Variants in PTPRS observed in about 807,000 individuals in gnomAD.
PTPRS encodes receptor-type tyrosine-protein phosphatase S.
PTPRS carries 63 observed loss-of-function variants against 215.3 expected under a neutral mutation model. The observed-to-expected ratio is 0.29, with a 90% CI of 0.24 to 0.36. PTPRS has a LOEUF of 0.36. PTPRS is among the 10% of genes least tolerant of loss of function. PTPRS has a pLI of 1.00. For synonymous variants in PTPRS, 1,404 were observed against 1,191.4 expected (o/e 1.18, Z -3.68); for missense variants, 2,258 against 2,825.8 (o/e 0.80, Z 4.56).
chr19:5,253,560 G>T (rs2045320826), intron 9 of PTPRS, among the ~76,000 whole-genome samples: 1 of 152,136 alleles, frequency 6.6e-6, no homozygotes, highest in Non-Finnish European at 1.5e-5. Context: ...AAATGACAGT[G>T]GGGAAAATGA....
rs2040353074 is a variant in PTPRS at position 5,206,180 on chromosome 19, A to G, written c.*594T>C. ...GTGAAAAAATAGACTGTCTTTGAACAGAATATGAATAAGCCAAAGTTAGTT... is the reference window on the plus strand; with the variant it reads ...GTGAAAAAATAGACTGTCTTTGAACGGAATATGAATAAGCCAAAGTTAGTT... On this transcript the variant is annotated 3_prime_UTR_variant, in exon 38 of 38. Transcript: ENST00000262963. Among the ~76,000 whole-genome samples the G allele has an allele frequency of 6.6e-6, 1 of 152,136 alleles. No homozygotes were observed. The highest frequency in any genetic ancestry group is 1.5e-5 in the Non-Finnish European group (1 of 68,006).
At chr19:5,246,144 G>T in intron 9 of PTPRS, 99 bp from the exon 10 acceptor site, 1 of 610,050 alleles carries the variant, frequency 1.6e-6, no homozygotes, top group Non-Finnish European at 2.4e-6. Context: ...AAAAAGAAAA[G>T]CAGGAAGGAA....
Position 5,268,031 on chromosome 19 carries a change from T to G in PTPRS, c.380-2835A>C, listed in dbSNP as rs1051793824. Among the ~76,000 whole-genome samples, 14 of 152,062 alleles carry G rather than the reference T, an allele frequency of 9.2e-5. 1 individual carries two copies. Among genetic ancestry groups the G allele is most frequent in the Admixed American group, 2.6e-4 (4 of 15,288 alleles). On this transcript the variant is annotated intron_variant, in intron 4 of 37. Coordinates refer to ENST00000262963, the MANE Select transcript of PTPRS (RefSeq NM_002850.4). ...AAACTACAAAGAAGATTAGCCGGGC[T>G]TGGTGACGGGCACCTGTAGTCCCAG...
intron 1 of PTPRS, among the ~76,000 whole-genome samples, chr19:5,298,575 A>G (rs1307771075): frequency 6.6e-6 from 1 of 152,108 alleles, no homozygotes; most frequent in Non-Finnish European, 1.5e-5. Context: ...CCTCCTACCT[A>G]GCACAGCATT....
intron 9 of PTPRS, among the ~76,000 whole-genome samples, chr19:5,247,970 C>T (rs951246543): frequency 1.7e-4 from 24 of 141,724 alleles, no homozygotes; most frequent in Non-Finnish European, 3.1e-4. Context: ...GGGGAGGAGT[C>T]GGGGCATGGG....
intron 13 of PTPRS, among the ~76,000 whole-genome samples, chr19:5,235,611 T>C (rs1020092944): frequency 6.6e-6 from 1 of 152,186 alleles, no homozygotes; most frequent in Admixed American, 6.5e-5. Context: ...GAACAATAAT[T>C]GTTGCCACCC....
At position 5,334,105 on chromosome 19, in the gene PTPRS, T is replaced by C. The variant is rs570113572; in HGVS notation, c.-95+6559A>G. ...TGTCCACCATCCAGGCCCCCTGTGG[T>C]TCAGCTCCCGCCAGTCGCCCAGTCC... On this transcript the variant is annotated intron_variant, in intron 1 of 37. Coordinates refer to ENST00000262963, the MANE Select transcript of PTPRS (RefSeq NM_002850.4). 3.9e-5 allele frequency among the ~76,000 whole-genome samples: 6 copies of C among 152,246 alleles called. No individual in the cohort carries two copies. In the East Asian group the frequency reaches 1.2e-3, roughly 30 times the overall value.
chr19:5,311,464 C>T (rs2049699932), intron 1 of PTPRS, among the ~76,000 whole-genome samples: 1 of 152,116 alleles, frequency 6.6e-6, no homozygotes, highest in Non-Finnish European at 1.5e-5. Context: ...GCTCTAGGCC[C>T]CCAGCAGGGT....
intron 9 of PTPRS, among the ~76,000 whole-genome samples, chr19:5,253,831 T>C (rs1457393857): frequency 6.6e-6 from 1 of 152,220 alleles, no homozygotes; most frequent in Non-Finnish European, 1.5e-5. Context: ...TTGAATCCTT[T>C]ATTTACAACA....
chr19:5,221,322 A>G, intron 19 of PTPRS, 69 bp from the exon 20 acceptor site: 1 of 1,548,260 alleles, frequency 6.5e-7, no homozygotes, highest in Admixed American at 1.9e-5. Context: ...CAGCTCCAGG[A>G]TGAGTCCCCC....
intron 2 of PTPRS, among the ~76,000 whole-genome samples, chr19:5,278,442 G>A (rs917034887): frequency 3.3e-5 from 5 of 151,998 alleles, no homozygotes; most frequent in African/African-American, 4.8e-5. Context: ...CTGTCCTCAA[G>A]CGATCCTCTC....
chr19:5,333,780 G>C (rs1338845381), intron 1 of PTPRS, among the ~76,000 whole-genome samples: 4 of 152,144 alleles, frequency 2.6e-5, no homozygotes, highest in African/African-American at 7.2e-5. Flanking sequence ...AAGCCCCACA[G>C]CTGCTTAGAT....
intron 11 of PTPRS, among the ~76,000 whole-genome samples, chr19:5,243,605 G>A (rs539381928): frequency 1.3e-5 from 2 of 151,776 alleles, no homozygotes; most frequent in East Asian, 1.9e-4. Context: ...TCAGCCTCCC[G>A]AGTAGCTAGG....
At chr19:5,233,659 C>T (rs905029342) in intron 13 of PTPRS, among the ~76,000 whole-genome samples, 1 of 149,266 alleles carries the variant, frequency 6.7e-6, no homozygotes, top group African/African-American at 2.5e-5. Flanking sequence ...GCATAAGAAT[C>T]TCGGCCGGGC....
Position 5,214,410 on chromosome 19 carries a change from T to C in PTPRS, c.4565A>G (p.Asp1522Gly), listed in dbSNP as rs1166726276. 5 of 1,614,048 alleles carry C rather than the reference T, an allele frequency of 3.1e-6. No individual in the cohort carries two copies. Among genetic ancestry groups the C allele is most frequent in the Non-Finnish European group, 3.4e-6 (4 of 1,180,032 alleles). Residue 1522 changes from aspartate to glycine, a missense_variant, in exon 30 of 38, where the codon GAT (aspartate) becomes GGT (glycine). Asp to Gly is a moderately conservative substitution (Grantham distance 94). This residue lies in a region of PTPRS where 927 missense variants were observed against 1,125.9 expected (regional missense o/e 0.82). Coordinates refer to ENST00000262963, the MANE Select transcript of PTPRS (RefSeq NM_002850.4). ...GCAGAATGTGGCCAGCTCGATGGTA[T>C]CTAGCAACGTGACCTGGATGAAGCC... ...TYGFIQVTLLDTIELATFCVR... is the reference protein window; with the variant it reads ...TYGFIQVTLLGTIELATFCVR...
intron 12 of PTPRS, among the ~76,000 whole-genome samples, 165 bp downstream of exon 12, chr19:5,240,034 G>A (rs2085273681): frequency 6.6e-6 from 1 of 152,124 alleles, no homozygotes; most frequent in African/African-American, 2.4e-5. Context: ...AAAAAGTGGA[G>A]GAAAGGCACA....
intron 11 of PTPRS, among the ~76,000 whole-genome samples, chr19:5,240,885 CTTCAT>C (rs1304720671): frequency 1.5e-5 from 2 of 132,568 alleles, no homozygotes; most frequent in Non-Finnish European, 3.2e-5. Flanking sequence ...TAAAAATCCC[CTTCAT>C]TTTTTTTTTT....
rs1417471345 is a variant in PTPRS, at chr19:5,262,943, TG to T, written c.577+20del. On this transcript the variant is annotated intron_variant, in intron 6 of 37. Transcript: ENST00000262963. ...GGGGATGGGGCGTTAGTTGTTGACG[TG>T]GTGATGAAATCAGACTTACCAAAGG... 3 of 1,579,490 alleles carry T rather than the reference TG, an allele frequency of 1.9e-6. No individual in the cohort carries two copies. Among genetic ancestry groups the T allele is most frequent in the African/African-American group, 2.7e-5 (2 of 73,976 alleles).
rs1245676698 is a variant in PTPRS, at chr19:5,257,461, C to A, written c.706+556G>T. On this transcript the variant is annotated intron_variant, in intron 8 of 37. Transcript: ENST00000262963. The surrounding 1 kb of genome is among the most constrained non-coding windows in gnomAD (Gnocchi z 4.4). ...AGTCATTAGGAAGAGGCAGAAGGCG[C>A]CGGGCTCCGGACCAGCTGGTGGGGG... The A allele has an allele frequency of 4.4e-6, 2 of 457,956 alleles. No homozygotes were observed. Among genetic ancestry groups the A allele is most frequent in the African/African-American group, 4.0e-5 (2 of 50,264 alleles). The allele number at this position is 457,956 out of a possible 1,614,324, so 28.4% of individuals were successfully genotyped here.
Sources: gnomAD v4.1 joint callset for allele counts (sites outside exome capture counted in the v4.1 genomes callset) on GRCh38, gnomAD v4.1.1 for gene constraint, gnomAD v4.1.1 regional missense constraint, Gnocchi (gnomAD v3.1) non-coding constraint, MANE v1.5 for transcripts, NCBI Gene and HGNC (gene_info 2026-07-23, HGNC 2026-07-21) for gene names.